The following MAP3K19 variants were observed in gnomAD, a reference collection of about 807,000 sequenced individuals.
MAP3K19 encodes the protein mitogen-activated protein kinase kinase kinase 19.
MAP3K19 carries 91 observed loss-of-function variants against 114.4 expected under a neutral mutation model. That is an observed-to-expected ratio of 0.80 (90% confidence interval 0.67 to 0.95). The LOEUF (loss-of-function observed/expected upper bound fraction) is 0.95. Among genes scored for constraint, MAP3K19 ranks in the 40% least tolerant of loss-of-function variants. MAP3K19 has a pLI of 0.00. For synonymous variants in MAP3K19, 518 were observed against 530.5 expected, an observed-to-expected ratio of 0.98 and a Z score of 0.32; for missense variants, 1,471 against 1,573.2, an observed-to-expected ratio of 0.94 and a Z score of 1.10.
Position 134,996,192 on chromosome 2 carries a change from C to G in MAP3K19, c.574+2546G>C, listed in dbSNP as rs112879281. On this transcript the variant is annotated intron_variant, in intron 8 of 12. Transcript: ENST00000392915. Reference sequence around the variant, plus strand: ...CAGGCTGGTCTCAAACTCCTGGCCTCAAGCAGTGCTCCTGCCTCAGCCTCC... The same window carrying G: ...CAGGCTGGTCTCAAACTCCTGGCCTGAAGCAGTGCTCCTGCCTCAGCCTCC... Among the ~76,000 whole-genome samples the G allele has an allele frequency of 1.7e-3, 265 of 152,044 alleles. 1 individual carries two copies. Among genetic ancestry groups the G allele is most frequent in the African/African-American group, 6.1e-3 (254 of 41,492 alleles).
chr2:135,041,793 G>T (rs1301021721), intron 1 of MAP3K19, among the ~76,000 whole-genome samples: 1 of 152,122 alleles, frequency 6.6e-6, no homozygotes, highest in Admixed American at 6.5e-5. Flanking sequence ...AGAACAAGAG[G>T]CTCATTTCAT....
rs536206310 is a variant in MAP3K19, at chr2:135,035,920, C to T, written c.-284+4443G>A. ...CACGATCTCGGCTCACTGCAACCTC[C>T]GCCTCCAGGGTTCAAGCGATTTTCC... On this transcript the variant is annotated intron_variant, in intron 2 of 12. Transcript: ENST00000392915. Among the ~76,000 whole-genome samples the T allele has an allele frequency of 5.3e-5, 8 of 152,244 alleles. No homozygotes were observed. In the East Asian group the frequency reaches 1.5e-3, roughly 29 times the overall value.
intron 6 of MAP3K19, among the ~76,000 whole-genome samples, chr2:135,002,612 TTA>T (rs141409161): frequency 0.23 from 27,688 of 122,934 alleles, 2,936 homozygotes; most frequent in African/African-American, 0.4. Flanking sequence ...AACACAGACT[TTA>T]AAAAAAAAAA....
chr2:135,004,265 G>A (rs1375468799), intron 6 of MAP3K19, among the ~76,000 whole-genome samples: 1 of 152,198 alleles, frequency 6.6e-6, no homozygotes, highest in Non-Finnish European at 1.5e-5. Context: ...GTCGAAGGAG[G>A]ACTGCAAGGA....
intron 2 of MAP3K19, among the ~76,000 whole-genome samples, chr2:135,039,891 C>T (rs1290035840): frequency 2.6e-5 from 4 of 152,182 alleles, no homozygotes; most frequent in African/African-American, 9.6e-5. Flanking sequence ...CTGGCTGGGT[C>T]AGGCTCTCTG....
chr2:134,991,152 T>G (rs527551952), intron 9 of MAP3K19, among the ~76,000 whole-genome samples: 1 of 151,888 alleles, frequency 6.6e-6, no homozygotes, highest in East Asian at 1.9e-4. Flanking sequence ...ATACAAAAAA[T>G]TAGCCGGGCG....
At chr2:134,979,949 A>G (rs1329931728) in intron 12 of MAP3K19, among the ~76,000 whole-genome samples, 2 of 152,180 alleles carry the variant, frequency 1.3e-5, no homozygotes, top group African/African-American at 2.4e-5. Flanking sequence ...GGGGGTTGCC[A>G]TATGTGCTTG....
rs1019191377 is a variant in MAP3K19 at position 135,023,809 on chromosome 2, T to C, written c.22+817A>G. 2.0e-5 allele frequency among the ~76,000 whole-genome samples: 3 copies of C among 152,164 alleles called. No homozygotes were observed. In the South Asian group the frequency reaches 6.2e-4, roughly 31 times the overall value. ...AGAGATCCCTGCCTTTTCCCTCAGA[T>C]GTAGCCAACACGATAGGAACAGGTT... On this transcript the variant is annotated intron_variant, in intron 4 of 12. Transcript: ENST00000392915.
chr2:135,024,133 A>G (rs1055890130), intron 4 of MAP3K19, among the ~76,000 whole-genome samples: 3 of 152,220 alleles, frequency 2.0e-5, no homozygotes, highest in African/African-American at 7.2e-5. Flanking sequence ...CTTTCATGAA[A>G]CCTTCTTAGG....
intron 6 of MAP3K19, 104 bp downstream of exon 6, chr2:135,005,331 A>T: frequency 3.7e-6 from 3 of 819,668 alleles, no homozygotes; most frequent in Non-Finnish European, 4.1e-6. Context: ...GATAGGCTCC[A>T]GTGTATGTTG....
At chr2:134,973,944 A>G (rs1020250478) in intron 12 of MAP3K19, among the ~76,000 whole-genome samples, 5 of 152,262 alleles carry the variant, frequency 3.3e-5, no homozygotes, top group African/African-American at 1.2e-4. Context: ...TTTGCTGAGT[A>G]TAGCATTCTT....
rs779120521 is a variant in MAP3K19, at chr2:134,980,903, C to T, written c.3838G>A (p.Gly1280Arg). ...GGAGGCATCAGCCCTCGGTGTGCTC[C>T]GATGTAAAACATGGCGGCCATCCTG... ...MDRMAAMFYI[G>R]AHRGLMPPLP... The change falls in exon 12 of 13, where the codon GGA becomes AGA. Residue 1280 changes from glycine (G) to arginine (R), a missense_variant. Coordinates refer to ENST00000392915, the MANE Select transcript of MAP3K19 (RefSeq NM_025052.5). 1.3e-5 allele frequency: 21 copies of T among 1,614,166 alleles called. No homozygotes were observed. The highest frequency in any genetic ancestry group is 4.4e-5 in the South Asian group (4 of 91,084).
In MAP3K19 at chr2:134,986,993, A is replaced by T. The variant is rs150014704; in HGVS notation, c.1879T>A (p.Cys627Ser). The T allele has an allele frequency of 6.2e-7, 1 of 1,613,718 alleles. No individual in the cohort carries two copies. Among genetic ancestry groups the T allele is most frequent in the South Asian group, 1.1e-5 (1 of 91,078 alleles). Residue 627 changes from cysteine to serine, a missense_variant, in exon 10 of 13, where the codon TGT becomes AGT. Coordinates refer to ENST00000392915, the MANE Select transcript of MAP3K19 (RefSeq NM_025052.5). ...ICKNPGTQKS[C>S]VPLSVQPTEP... ...GTCGGTTGAACAGAGAGAGGAACACATGACTTCTGTGTTCCTGGATTTTTA... is the reference window on the plus strand; with the variant it reads ...GTCGGTTGAACAGAGAGAGGAACACTTGACTTCTGTGTTCCTGGATTTTTA...
At position 134,985,997 on chromosome 2, in the gene MAP3K19, A is replaced by G; in HGVS notation, c.2875T>C (p.Ser959Pro). Residue 959 changes from serine (S) to proline (P), a missense_variant, in exon 10 of 13, where the codon TCT becomes CCT. Transcript: ENST00000392915. ...TNSISQEIMD[S>P]VNNEELTDEL... ...TCTGTCAATTCTTCATTATTTACAG[A>G]GTCCATAATTTCTTGGGAAATTGAA... 3 of 1,613,212 alleles carry G rather than the reference A, an allele frequency of 1.9e-6. No individual in the cohort carries two copies. Among genetic ancestry groups the G allele is most frequent in the Non-Finnish European group, 2.5e-6 (3 of 1,179,670 alleles).
At chr2:135,003,745 G>A (rs1429523324) in intron 6 of MAP3K19, among the ~76,000 whole-genome samples, 2 of 152,074 alleles carry the variant, frequency 1.3e-5, no homozygotes, top group Non-Finnish European at 2.9e-5. Flanking sequence ...GTAGAGACGG[G>A]GTTTCACCAT....
chr2:135,011,342 C>T (rs1264479052), intron 5 of MAP3K19, among the ~76,000 whole-genome samples: 1 of 150,764 alleles, frequency 6.6e-6, no homozygotes, highest in East Asian at 2.0e-4. Flanking sequence ...TCGAGACCAT[C>T]CTGGCTAACA....
intron 5 of MAP3K19, among the ~76,000 whole-genome samples, chr2:135,011,551 A>AAG (rs1408605444): frequency 6.6e-6 from 1 of 151,526 alleles, no homozygotes; most frequent in Non-Finnish European, 1.5e-5. Flanking sequence ...AAAAAAAAAA[A>AAG]AAAGTCTTAA....
chr2:135,013,247 G>A (rs1687356377), intron 5 of MAP3K19, among the ~76,000 whole-genome samples: 1 of 151,736 alleles, frequency 6.6e-6, no homozygotes, highest in Non-Finnish European at 1.5e-5. Context: ...TTGAACCCAG[G>A]AGGTGAAGGT....
At chr2:134,968,843 A>G (rs1310675524) in intron 12 of MAP3K19, among the ~76,000 whole-genome samples, 10 of 148,504 alleles carry the variant, frequency 6.7e-5, no homozygotes, top group Non-Finnish European at 1.0e-4. Context: ...GCGGCTGGGC[A>G]GAGACGCTCC....
Sources: gnomAD v4.1 joint callset for allele counts (sites outside exome capture counted in the v4.1 genomes callset) on GRCh38, gnomAD v4.1.1 for gene constraint, MANE v1.5 for transcripts, NCBI Gene and HGNC (gene_info 2026-07-23, HGNC 2026-07-21) for gene names.